The following CCDC192 variants were observed in gnomAD, a reference collection of about 807,000 sequenced individuals.
CCDC192 encodes the protein coiled-coil domain-containing protein 192.
intron 5 of CCDC192, among the ~76,000 whole-genome samples, chr5:127,830,176 T>A (rs1164360700): frequency 6.8e-6 from 1 of 148,076 alleles, no homozygotes; most frequent in Admixed American, 6.8e-5. Context: ...AAAAAAAAAA[T>A]CAAGGATTCC....
rs114789797 is a variant in CCDC192 at position 127,712,181 on chromosome 5, T to C, written c.114+4421T>C. Among the ~76,000 whole-genome samples, 376 of 152,352 alleles carry C rather than the reference T, an allele frequency of 2.5e-3. 1 individual carries two copies. In the Middle Eastern group the frequency reaches 0.031, roughly 12 times the overall value. ...CCATGTTGTAGTGTGTATCAATAAC[T>C]CATTTTTATTGCAGAATAGTTTCCC... On this transcript the variant is annotated intron_variant, in intron 2 of 6. Coordinates refer to ENST00000514853, the MANE Select transcript of CCDC192 (RefSeq NM_001317938.2).
chr5:127,889,414 T>C (rs992223938), intron 6 of CCDC192, among the ~76,000 whole-genome samples: 2 of 151,592 alleles, frequency 1.3e-5, no homozygotes. Flanking sequence ...TTTCTTTTTT[T>C]TTTTTTGAGA....
rs570751101 is a variant in CCDC192 at position 127,707,392 on chromosome 5, C to A, written c.63-317C>A. On this transcript the variant is annotated intron_variant, in intron 1 of 6. Coordinates refer to ENST00000514853, the MANE Select transcript of CCDC192 (RefSeq NM_001317938.2). The stretch of plus-strand genomic sequence containing the variant: ...GTCTGCTGATTCTTAGGAGGTTATG[C>A]TTTCCTCTCCCCACTTTTTTTTTTT... 5.4e-5 allele frequency among the ~76,000 whole-genome samples: 7 copies of A among 130,352 alleles called. No homozygotes were observed. The East Asian group carries it at 1.5e-3, about 29-fold the overall frequency. 85.5% of individuals were successfully genotyped at this position (130,352 alleles called of 152,430 possible).
At chr5:127,792,495 T>TGGG (rs1357146385) in intron 3 of CCDC192, among the ~76,000 whole-genome samples, 1 of 149,340 alleles carries the variant, frequency 6.7e-6, no homozygotes, top group Non-Finnish European at 1.5e-5. Context: ...GAGATTTGGG[T>TGGG]GGGGACACAA....
chr5:127,920,303 C>T (rs1753669954), intron 6 of CCDC192, among the ~76,000 whole-genome samples: 1 of 151,748 alleles, frequency 6.6e-6, no homozygotes, highest in Admixed American at 6.6e-5. Context: ...AAAATATAAA[C>T]CCAAGAATTA....
At chr5:127,896,358 A>G (rs1009931597) in intron 6 of CCDC192, among the ~76,000 whole-genome samples, 25 of 152,080 alleles carry the variant, frequency 1.6e-4, no homozygotes, top group Admixed American at 1.0e-3. Flanking sequence ...GACCTTAATC[A>G]TGGTACTTGG....
intron 5 of CCDC192, among the ~76,000 whole-genome samples, chr5:127,872,515 G>A (rs1239599338): frequency 1.3e-5 from 2 of 152,132 alleles, no homozygotes; most frequent in Non-Finnish European, 1.5e-5. Flanking sequence ...AAGAGTTGAG[G>A]GAAGCCCAAC....
At chr5:127,828,978 C>T (rs1561511286) in intron 5 of CCDC192, among the ~76,000 whole-genome samples, 1 of 152,168 alleles carries the variant, frequency 6.6e-6, no homozygotes, top group Non-Finnish European at 1.5e-5. Flanking sequence ...AGGTTAGCTA[C>T]TGCAGCAAAC....
chr5:127,914,178 G>A (rs1753452455), intron 6 of CCDC192, among the ~76,000 whole-genome samples: 1 of 152,164 alleles, frequency 6.6e-6, no homozygotes, highest in Non-Finnish European at 1.5e-5. Flanking sequence ...TTTTGGATGT[G>A]GAGAGCTGAT....
At chr5:127,789,020 T>A (rs1310748884) in intron 3 of CCDC192, among the ~76,000 whole-genome samples, 1 of 152,142 alleles carries the variant, frequency 6.6e-6, no homozygotes, top group African/African-American at 2.4e-5. Flanking sequence ...GTCTGTAAAA[T>A]AGAAAGAGGG....
At chr5:127,747,393 G>A (rs1186633978) in intron 2 of CCDC192, among the ~76,000 whole-genome samples, 2 of 152,036 alleles carry the variant, frequency 1.3e-5, no homozygotes, top group African/African-American at 4.8e-5. Context: ...TACTGAGAAT[G>A]ATGGTTTCCA....
At chr5:127,900,757 G>C (rs1191357866) in intron 6 of CCDC192, among the ~76,000 whole-genome samples, 5 of 152,084 alleles carry the variant, frequency 3.3e-5, no homozygotes, top group Non-Finnish European at 7.3e-5. Context: ...GCTTCCTAAA[G>C]GCCTAGGTAA....
At chr5:127,903,702 T>C (rs1753118355) in intron 6 of CCDC192, among the ~76,000 whole-genome samples, 1 of 152,152 alleles carries the variant, frequency 6.6e-6, no homozygotes, top group Admixed American at 6.5e-5. Flanking sequence ...AAACAAAAAA[T>C]AGCTGATCAT....
intron 3 of CCDC192, among the ~76,000 whole-genome samples, chr5:127,767,871 G>T (rs569058982): frequency 6.6e-6 from 1 of 152,080 alleles, no homozygotes; most frequent in Non-Finnish European, 1.5e-5. Context: ...TCGTATGTCA[G>T]CCCCGCAATT....
intron 6 of CCDC192, among the ~76,000 whole-genome samples, chr5:127,877,352 T>TG (rs1456251585): frequency 3.3e-4 from 28 of 83,690 alleles, no homozygotes; most frequent in African/African-American, 1.2e-3. Flanking sequence ...TTTATTTTTG[T>TG]GGATTTTTTT....
chr5:127,717,016 A>G (rs965126176), intron 2 of CCDC192, among the ~76,000 whole-genome samples: 3 of 152,202 alleles, frequency 2.0e-5, no homozygotes, highest in African/African-American at 4.8e-5. Flanking sequence ...TTGTGTGAAT[A>G]GAAATTAATA....
At chr5:127,726,708 G>A (rs1447504402) in intron 2 of CCDC192, among the ~76,000 whole-genome samples, 2 of 152,234 alleles carry the variant, frequency 1.3e-5, no homozygotes, top group African/African-American at 2.4e-5. Flanking sequence ...ACTGGTCAGG[G>A]CCTCCTTGTG....
intron 5 of CCDC192, among the ~76,000 whole-genome samples, chr5:127,827,399 G>A (rs1036942053): frequency 1.3e-5 from 2 of 152,098 alleles, no homozygotes; most frequent in African/African-American, 2.4e-5. Flanking sequence ...AATATCCACC[G>A]TGTCCTTCGG....
intron 5 of CCDC192, among the ~76,000 whole-genome samples, chr5:127,863,961 C>T (rs1335110511): frequency 1.3e-5 from 2 of 152,164 alleles, no homozygotes; most frequent in African/African-American, 4.8e-5. Flanking sequence ...TTTAGTTTTA[C>T]AGAAGCTTGG....
Sources: allele counts gnomAD v4.1 joint callset (sites outside exome capture counted in the v4.1 genomes callset), GRCh38; gene constraint gnomAD v4.1.1; transcripts MANE v1.5; gene names NCBI Gene and HGNC (gene_info 2026-07-23, HGNC 2026-07-21).